The following ATG7 variants were observed in gnomAD, a reference collection of about 807,000 sequenced individuals.
ATG7 encodes ubiquitin-like modifier-activating enzyme ATG7.
In ATG7, 70 loss-of-function variants were observed where a neutral mutation model predicts 82.4. That is an observed-to-expected ratio of 0.85 (90% CI 0.70 to 1.04). ATG7 has a LOEUF of 1.04. ATG7 is among the 50% of genes least tolerant of loss of function. The probability of loss-of-function intolerance (pLI) is 0.00; values close to 1 mark genes in which losing one functional copy is unlikely to be tolerated. For synonymous variants in ATG7, 287 were observed against 313.0 expected (o/e 0.92, Z 0.88); for missense variants, 792 against 864.3 (o/e 0.92, Z 1.05).
At chr3:11,315,239 A>T in intron 8 of ATG7, 105 bp from the exon 9 acceptor site, 1 of 1,070,056 alleles carries the variant, frequency 9.3e-7, no homozygotes, top group Middle Eastern at 3.3e-4. Flanking sequence ...GTGATCAGTC[A>T]TTTCTAGTCT....
Position 11,348,010 on chromosome 3 carries a change from G to T in ATG7, c.1259G>T (p.Arg420Leu). ...CCCAAGGCTCTGGCAGCAGCGGACC[G>T]GCTCCAGAAAATATTCCCCGGTGTG... ...GKPKALAAAD[R>L]LQKIFPGVNA... The change falls in exon 14 of 21, where the codon CGG (arginine) becomes CTG (leucine). Residue 420 changes from arginine to leucine, a missense_variant. By Grantham distance (102) the Arg-to-Leu change is moderately radical (BLOSUM62 -2). Transcript: ENST00000693202. 3 of 1,613,836 alleles carry T rather than the reference G, an allele frequency of 1.9e-6. No individual in the cohort carries two copies. Among genetic ancestry groups the T allele is most frequent in the Non-Finnish European group, 2.5e-6 (3 of 1,179,818 alleles).
chr3:11,372,813 TGTGCGCGCGTGTGCGTGTGTGTGCGTGC>T (rs1198362217), intron 18 of ATG7, among the ~76,000 whole-genome samples: 2 of 79,362 alleles, frequency 2.5e-5, no homozygotes, highest in Non-Finnish European at 5.8e-5. Flanking sequence ...TGTGTGTGTG[TGTGCGCGCGTGTGCGTGTGTGTGCGTGC>T]GTGCGTGTGC....
In ATG7 at chr3:11,544,845, C is replaced by T. The variant is rs934202117; in HGVS notation, c.2080-9966C>T. Reference sequence around the variant, plus strand: ...CTCTCTACTAGACCAGGCTCTGAGCCGGGGCTGGGGATACAGTGGTGACCA... The same window carrying T: ...CTCTCTACTAGACCAGGCTCTGAGCTGGGGCTGGGGATACAGTGGTGACCA... On this transcript the variant is annotated intron_variant, in intron 20 of 20. Transcript: ENST00000693202. 2.6e-5 allele frequency among the ~76,000 whole-genome samples: 4 copies of T among 152,330 alleles called. No individual in the cohort carries two copies. In the East Asian group the frequency reaches 5.8e-4, roughly 22 times the overall value.
intron 20 of ATG7, among the ~76,000 whole-genome samples, chr3:11,482,166 A>T (rs140026663): frequency 1.4e-3 from 208 of 152,276 alleles, no homozygotes; most frequent in African/African-American, 4.8e-3. Flanking sequence ...CCAACTGGAA[A>T]GTTCATGAGA....
chr3:11,461,000 A>G (rs1219388207), intron 20 of ATG7, among the ~76,000 whole-genome samples: 2 of 152,172 alleles, frequency 1.3e-5, no homozygotes, highest in African/African-American at 4.8e-5. Flanking sequence ...GTAGTAAGTC[A>G]TCTTTTTGGA....
chr3:11,388,010 GAAGTCCC>G (rs2078449541), intron 19 of ATG7, among the ~76,000 whole-genome samples: 1 of 152,118 alleles, frequency 6.6e-6, no homozygotes, highest in Non-Finnish European at 1.5e-5. Context: ...GAGGCTTCAT[GAAGTCCC>G]TGAAACATCT....
downstream of ATG7, chr3:11,559,423 A>G: frequency 2.6e-6 from 4 of 1,565,692 alleles, no homozygotes; most frequent in Non-Finnish European, 3.5e-6. Context: ...TGCGGGCGCC[A>G]GCCGAGGCAC....
At chr3:11,552,480 G>C (rs2071897612) in intron 20 of ATG7, among the ~76,000 whole-genome samples, 1 of 152,144 alleles carries the variant, frequency 6.6e-6, no homozygotes. Flanking sequence ...AGAGCCTGCA[G>C]ATCCCAGCCC....
At chr3:11,559,659 C>T (rs2072787839), downstream of ATG7, among the ~76,000 whole-genome samples, 1 of 152,206 alleles carries the variant, frequency 6.6e-6, no homozygotes, top group African/African-American at 2.4e-5. Context: ...TGTAGTGGCC[C>T]TTGGTCGTGG....
intron 19 of ATG7, among the ~76,000 whole-genome samples, chr3:11,402,775 C>T (rs1413943963): frequency 1.3e-5 from 2 of 152,138 alleles, no homozygotes; most frequent in African/African-American, 4.8e-5. Context: ...ATTAATATAA[C>T]ACATTTTTTA....
the ATG7 span, chr3:11,565,043 A>C: frequency 6.8e-7 from 1 of 1,466,326 alleles, no homozygotes; most frequent in Non-Finnish European, 9.0e-7. This position sits in a 1 kb window ranked among gnomAD's most constrained non-coding sequence, Gnocchi z 4.1. Flanking sequence ...ATGGGCATTC[A>C]GGGGGCGTTT....
chr3:11,415,269 G>T (rs944833692), intron 19 of ATG7, among the ~76,000 whole-genome samples: 1 of 152,128 alleles, frequency 6.6e-6, no homozygotes. Flanking sequence ...GAGTTTGTAG[G>T]GCTGGAAGTT....
chr3:11,373,765 G>C (rs1323006827), intron 18 of ATG7, among the ~76,000 whole-genome samples: 2 of 152,116 alleles, frequency 1.3e-5, no homozygotes, highest in East Asian at 3.8e-4. Flanking sequence ...AGATTGCTCT[G>C]GGGTTTCTAT....
chr3:11,427,044 T>C (rs1042895911), intron 20 of ATG7, 118 bp downstream of exon 20: 2 of 1,265,250 alleles, frequency 1.6e-6, no homozygotes, highest in South Asian at 3.6e-5. Context: ...AGAGCAAATA[T>C]CACTAAATAA....
chr3:11,378,708 A>AAAAAAAAAAC, intron 18 of ATG7, among the ~76,000 whole-genome samples: 1 of 135,794 alleles, frequency 7.4e-6, no homozygotes, highest in African/African-American at 2.6e-5. Context: ...AAAAAAAAAA[A>AAAAAAAAAAC]ATTGCTGTAG....
intron 19 of ATG7, among the ~76,000 whole-genome samples, chr3:11,416,875 C>T (rs1487524333): frequency 6.6e-6 from 1 of 152,118 alleles, no homozygotes; most frequent in Non-Finnish European, 1.5e-5. Flanking sequence ...TTCCCTGCAT[C>T]TCATGAATTT....
At chr3:11,275,416 T>G (rs1941524552) in intron 1 of ATG7, among the ~76,000 whole-genome samples, 1 of 151,022 alleles carries the variant, frequency 6.6e-6, no homozygotes, top group Non-Finnish European at 1.5e-5. Flanking sequence ...TGGCACGATC[T>G]CGGCTCACTG....
intron 20 of ATG7, among the ~76,000 whole-genome samples, chr3:11,450,415 A>T (rs573217892): frequency 1.3e-5 from 2 of 152,336 alleles, no homozygotes; most frequent in South Asian, 4.1e-4. Context: ...TTGGTAGGTC[A>T]TCATTTTCCA....
chr3:11,417,800 A>ATTATTTTT lies in ATG7; in HGVS notation c.1957-9002_1957-9001insATTTTTTT, dbSNP rs1553652380. Among the ~76,000 whole-genome samples the ATTATTTTT allele has an allele frequency of 1.2e-3, 136 of 109,314 alleles. 7 individuals carry two copies. The highest frequency in any genetic ancestry group is 7.1e-3 in the Admixed American group (66 of 9,328). 71.7% of individuals were successfully genotyped at this position (109,314 alleles called of 152,430 possible). On this transcript the variant is annotated intron_variant, in intron 19 of 20. Transcript: ENST00000693202. ...CATTTAAAAAATTATTATTATTATTATTTTATTTTATTTTATTTTTTTTTT... is the reference window on the plus strand; with the variant it reads ...CATTTAAAAAATTATTATTATTATTATTATTTTTTTTTATTTTATTTTATTTTTTTTTT...
Sources: gnomAD v4.1 joint callset for allele counts (sites outside exome capture counted in the v4.1 genomes callset) on GRCh38, gnomAD v4.1.1 for gene constraint, Gnocchi (gnomAD v3.1) non-coding constraint, MANE v1.5 for transcripts, NCBI Gene and HGNC (gene_info 2026-07-23, HGNC 2026-07-21) for gene names.